The following SHISA9 variants were observed in gnomAD, a reference collection of about 807,000 sequenced individuals.
SHISA9 encodes shisa family member 9, also known as protein shisa-9.
A neutral mutation model predicts 38.0 loss-of-function variants in SHISA9; 13 were observed. The ratio of observed to expected loss-of-function variants is 0.34; its 90% CI spans 0.22 to 0.54. The LOEUF (loss-of-function observed/expected upper bound fraction) is 0.54. SHISA9 is among the 20% of genes least tolerant of loss of function. The pLI is 0.91. For missense variants in SHISA9, 538 were observed against 575.8 expected (o/e 0.93, Z 0.67); for synonymous variants, 275 against 242.0 (o/e 1.14, Z -1.27).
chr16:13,126,034 G>A (rs550631237), intron 2 of SHISA9, among the ~76,000 whole-genome samples: 35 of 152,358 alleles, frequency 2.3e-4, no homozygotes, highest in Middle Eastern at 6.8e-3. Flanking sequence ...GCAATTGGCA[G>A]GAGGTGAGAA....
chr16:13,242,882 T>C (rs1026805895), downstream of SHISA9, among the ~76,000 whole-genome samples: 1 of 152,190 alleles, frequency 6.6e-6, no homozygotes. Context: ...ATTCTGAGGA[T>C]TGAGCACTTG....
At chr16:13,264,821 A>T in the SHISA9 span, among the ~76,000 whole-genome samples, 1 of 152,210 alleles carries the variant, frequency 6.6e-6, no homozygotes, top group East Asian at 1.9e-4. Flanking sequence ...TTGTCTTCCC[A>T]AAGAGAGAAA....
the SHISA9 span, among the ~76,000 whole-genome samples, chr16:13,367,524 T>C: frequency 6.6e-6 from 1 of 151,728 alleles, no homozygotes; most frequent in African/African-American, 2.4e-5. Flanking sequence ...TTAAAGTTCT[T>C]AAGTGGGAAA....
the SHISA9 span, among the ~76,000 whole-genome samples, chr16:13,387,488 A>AT: frequency 0.022 from 3,141 of 143,346 alleles, 41 homozygotes; most frequent in Middle Eastern, 0.047. Context: ...CCCCTAGAGG[A>AT]TTTTTTTTTT....
chr16:13,464,465 C>G, the SHISA9 span, among the ~76,000 whole-genome samples: 11 of 152,322 alleles, frequency 7.2e-5, no homozygotes, highest in African/African-American at 2.6e-4. Context: ...CCCTATCAGC[C>G]TAAGTGCTCA....
At chr16:12,925,221 C>T (rs558763232) in intron 2 of SHISA9, among the ~76,000 whole-genome samples, 2 of 151,602 alleles carry the variant, frequency 1.3e-5, no homozygotes, top group African/African-American at 2.4e-5. Flanking sequence ...ATGAAGAAAC[C>T]GTCAATTCCT....
chr16:12,924,210 T>C (rs368757900), intron 2 of SHISA9, among the ~76,000 whole-genome samples: 2 of 152,256 alleles, frequency 1.3e-5, no homozygotes, highest in East Asian at 3.9e-4. Flanking sequence ...AAGAAAGGTG[T>C]GCATGAGGAG....
the SHISA9 span, among the ~76,000 whole-genome samples, chr16:13,277,574 TG>T: frequency 6.6e-6 from 1 of 152,124 alleles, no homozygotes; most frequent in African/African-American, 2.4e-5. Flanking sequence ...TCTATTTGTT[TG>T]TATCATCTAT....
chr16:13,383,811 G>A, the SHISA9 span, among the ~76,000 whole-genome samples: 2 of 152,026 alleles, frequency 1.3e-5, no homozygotes, highest in African/African-American at 4.8e-5. Flanking sequence ...CACTATGCCT[G>A]GCTGATTTTT....
the SHISA9 span, among the ~76,000 whole-genome samples, chr16:13,398,022 C>A: frequency 6.6e-6 from 1 of 152,196 alleles, no homozygotes; most frequent in Non-Finnish European, 1.5e-5. Flanking sequence ...CTGCCCTGGC[C>A]AAACTCCAGG....
chr16:13,395,191 G>A, the SHISA9 span, among the ~76,000 whole-genome samples: 2 of 152,138 alleles, frequency 1.3e-5, no homozygotes, highest in Non-Finnish European at 2.9e-5. Context: ...CCTTCGAGGA[G>A]CTGAGTCCCA....
the SHISA9 span, among the ~76,000 whole-genome samples, chr16:13,383,693 C>A: frequency 2.4e-4 from 36 of 152,162 alleles, no homozygotes; most frequent in African/African-American, 8.7e-4. Context: ...CTCTGTCACC[C>A]AGGCTGGAGT....
chr16:13,223,738 G>A (rs1426095300), intron 4 of SHISA9, among the ~76,000 whole-genome samples: 1 of 152,198 alleles, frequency 6.6e-6, no homozygotes, highest in East Asian at 1.9e-4. Flanking sequence ...TCAAAATCAT[G>A]GTGGAAGGCC....
chr16:12,932,539 C>T (rs928398114), intron 2 of SHISA9, among the ~76,000 whole-genome samples: 14 of 152,102 alleles, frequency 9.2e-5, no homozygotes, highest in African/African-American at 3.1e-4. Flanking sequence ...TGGGGTTTCA[C>T]CATGTTGGCC....
intron 2 of SHISA9, among the ~76,000 whole-genome samples, chr16:12,987,002 C>T (rs2072319480): frequency 6.6e-6 from 1 of 152,192 alleles, no homozygotes; most frequent in Admixed American, 6.5e-5. Context: ...CTGTCTTCTC[C>T]ACTGCAGAGG....
chr16:13,426,248 T>A, the SHISA9 span, among the ~76,000 whole-genome samples: 1 of 152,222 alleles, frequency 6.6e-6, no homozygotes, highest in African/African-American at 2.4e-5. Context: ...GTTATCTCAT[T>A]TAATTCTCAC....
chr16:13,145,124 G>C (rs2050435898), intron 2 of SHISA9, among the ~76,000 whole-genome samples: 1 of 152,184 alleles, frequency 6.6e-6, no homozygotes, highest in African/African-American at 2.4e-5. Flanking sequence ...GCAGGGATGA[G>C]AGATACAGAG....
At chr16:13,403,583 G>A in the SHISA9 span, among the ~76,000 whole-genome samples, 40 of 152,312 alleles carry the variant, frequency 2.6e-4, no homozygotes, top group African/African-American at 7.9e-4. Flanking sequence ...GCTGGAAATG[G>A]AGATAGTAAT....
intron 2 of SHISA9, among the ~76,000 whole-genome samples, chr16:13,090,568 T>C (rs779413126): frequency 1.3e-5 from 2 of 152,228 alleles, no homozygotes; most frequent in Non-Finnish European, 2.9e-5. Flanking sequence ...GGTCTTTTTG[T>C]CTCTTTTGAT....
Sources: gnomAD v4.1 joint callset for allele counts (sites outside exome capture counted in the v4.1 genomes callset) on GRCh38, gnomAD v4.1.1 for gene constraint, MANE v1.5 for transcripts, NCBI Gene and HGNC (gene_info 2026-07-23, HGNC 2026-07-21) for gene names.